CPVL: variants seen among roughly 807,000 people sequenced by gnomAD.
CPVL encodes the protein carboxypeptidase vitellogenic like, also known as probable serine carboxypeptidase CPVL.
Under a neutral mutation model 63.7 loss-of-function variants are expected in CPVL, and 51 were observed. That is an observed-to-expected ratio of 0.80 (90% CI 0.64 to 1.01). The LOEUF is 1.01. Among genes scored for constraint, CPVL ranks in the 50% least tolerant of loss-of-function variants. CPVL has a pLI of 0.00. For missense variants in CPVL, 530 were observed against 573.1 expected (o/e 0.92, Z 0.77); for synonymous variants, 195 against 206.0 (o/e 0.95, Z 0.46).
At chr7:29,115,722 A>G (rs774593516) in intron 2 of CPVL, among the ~76,000 whole-genome samples, 23 of 152,144 alleles carry the variant, frequency 1.5e-4, no homozygotes, top group Non-Finnish European at 3.4e-4. Flanking sequence ...GTAAATGGGA[A>G]GAAGAGGATT....
chr7:29,140,936 A>G (rs953850038), intron 1 of CPVL, among the ~76,000 whole-genome samples: 1 of 152,136 alleles, frequency 6.6e-6, no homozygotes, highest in Non-Finnish European at 1.5e-5. Flanking sequence ...GAATGAAGTG[A>G]TTGTTGAACT....
chr7:29,004,928 AC>A (rs1394593575), intron 12 of CPVL, among the ~76,000 whole-genome samples: 5 of 140,254 alleles, frequency 3.6e-5, no homozygotes, highest in Non-Finnish European at 1.5e-5. Context: ...ACAGGGTCTC[AC>A]TCTGTGGCCC....
intron 2 of CPVL, among the ~76,000 whole-genome samples, chr7:29,118,686 T>C (rs1299967819): frequency 6.6e-6 from 1 of 152,236 alleles, no homozygotes; most frequent in Non-Finnish European, 1.5e-5. Context: ...TGACATCCTA[T>C]TGGCTGTGAG....
intron 3 of CPVL, among the ~76,000 whole-genome samples, chr7:29,100,705 A>G (rs1729140662): frequency 6.6e-6 from 1 of 152,208 alleles, no homozygotes; most frequent in South Asian, 2.1e-4. Context: ...TTAAATAACA[A>G]GATCTGTGTA....
At chr7:29,109,557 G>T (rs1788046907) in intron 3 of CPVL, among the ~76,000 whole-genome samples, 3 of 152,138 alleles carry the variant, frequency 2.0e-5, no homozygotes, top group Admixed American at 1.3e-4. Context: ...ATAATTTATA[G>T]CCAGAAGCCT....
chr7:29,067,238 G>A (rs748777166), intron 9 of CPVL, among the ~76,000 whole-genome samples: 6 of 152,156 alleles, frequency 3.9e-5, no homozygotes, highest in African/African-American at 1.4e-4. Context: ...CCAAGGACCA[G>A]GTCCCAAAAG....
intron 5 of CPVL, among the ~76,000 whole-genome samples, chr7:29,178,441 A>G (rs1332936706): frequency 2.0e-5 from 3 of 151,874 alleles, no homozygotes; most frequent in Non-Finnish European, 4.4e-5. Flanking sequence ...TGTTCCTCTA[A>G]CATGCCCAGC....
At chr7:29,097,645 G>A (rs1786575725) in intron 3 of CPVL, among the ~76,000 whole-genome samples, 1 of 152,176 alleles carries the variant, frequency 6.6e-6, no homozygotes. Context: ...GCAGTGAGCT[G>A]AGATAGCACC....
intron 7 of CPVL, among the ~76,000 whole-genome samples, chr7:29,078,535 CTTTG>C (rs1450834773): frequency 6.6e-6 from 1 of 152,218 alleles, no homozygotes; most frequent in Non-Finnish European, 1.5e-5. Flanking sequence ...CAAACTGAAT[CTTTG>C]TTTGCTCACT....
chr7:29,044,430 TAA>T, intron 11 of CPVL, among the ~76,000 whole-genome samples: 1 of 151,966 alleles, frequency 6.6e-6, no homozygotes, highest in Admixed American at 6.6e-5. Flanking sequence ...AAAATAATAA[TAA>T]AAAGAGTCAG....
chr7:29,168,300 A>G (rs1413906092), intron 5 of CPVL, among the ~76,000 whole-genome samples: 2 of 151,996 alleles, frequency 1.3e-5, no homozygotes, highest in Non-Finnish European at 2.9e-5. Flanking sequence ...GACATTTTGG[A>G]TTCTCATCTT....
chr7:29,075,792 G>T (rs1026562892), intron 7 of CPVL, among the ~76,000 whole-genome samples: 12 of 140,960 alleles, frequency 8.5e-5, no homozygotes, highest in Non-Finnish European at 1.1e-4. Flanking sequence ...TCCTTGCTTT[G>T]TGTCAGTGTG....
intron 2 of CPVL, among the ~76,000 whole-genome samples, chr7:29,114,020 T>G (rs1245631613): frequency 6.6e-6 from 1 of 152,200 alleles, no homozygotes; most frequent in African/African-American, 2.4e-5. Flanking sequence ...TGCCATCGAC[T>G]AAAGATGCCT....
At position 29,082,032 on chromosome 7, in the gene CPVL, A is replaced by G. The variant is rs559877131; in HGVS notation, c.609+4452T>C. On this transcript the variant is annotated intron_variant, in intron 7 of 12. Coordinates refer to ENST00000265394, the MANE Select transcript of CPVL (RefSeq NM_031311.5). ...CAGAAAACCATTTCTGAATTTGTGC[A>G]TTTATTTTTTGAAGATGGCTCTACA... Among the ~76,000 whole-genome samples, 3 of 152,328 alleles carry G rather than the reference A, an allele frequency of 2.0e-5. No homozygotes were observed. The East Asian group carries it at 5.8e-4, about 29-fold the overall frequency.
At chr7:29,123,628 AAT>A (rs1243750985) in intron 1 of CPVL, among the ~76,000 whole-genome samples, 2,003 of 41,654 alleles carry the variant, frequency 0.048, 56 homozygotes, top group South Asian at 0.064. Context: ...AAAAAAAAAA[AAT>A]ATATATATAT....
chr7:29,094,781 T>C (rs1678510467), intron 5 of CPVL, among the ~76,000 whole-genome samples: 1 of 151,636 alleles, frequency 6.6e-6, no homozygotes, highest in South Asian at 2.1e-4. Flanking sequence ...GAGAACCAGG[T>C]TGAACCGGGG....
intron 11 of CPVL, among the ~76,000 whole-genome samples, chr7:29,046,025 T>C (rs1047659873): frequency 6.6e-6 from 1 of 151,756 alleles, no homozygotes. Context: ...TAATGAGCTG[T>C]AGAATGATAA....
chr7:29,068,731 G>C (rs1184474552), intron 9 of CPVL, among the ~76,000 whole-genome samples: 3 of 132,314 alleles, frequency 2.3e-5, no homozygotes, highest in Non-Finnish European at 3.1e-5. Context: ...GTCTCGCTCT[G>C]TCACCCAGGC....
At chr7:29,117,228 G>A (rs988563536) in intron 2 of CPVL, among the ~76,000 whole-genome samples, 1 of 152,138 alleles carries the variant, frequency 6.6e-6, no homozygotes, top group African/African-American at 2.4e-5. Context: ...ATGGGAGGGT[G>A]GAAGATAAAA....
Sources: gnomAD v4.1 joint callset for allele counts (sites outside exome capture counted in the v4.1 genomes callset) on GRCh38, gnomAD v4.1.1 for gene constraint, MANE v1.5 for transcripts, NCBI Gene and HGNC (gene_info 2026-07-23, HGNC 2026-07-21) for gene names.